Variants in PID1 observed in about 807,000 individuals in gnomAD.
The protein encoded by PID1 is phosphotyrosine interaction domain containing 1, also known as PTB-containing, cubilin and LRP1-interacting protein.
In PID1, 10 loss-of-function variants were observed where a neutral mutation model predicts 19.1. The observed-to-expected ratio is 0.52, with a 90% CI of 0.32 to 0.89. The LOEUF is 0.89. PID1 is among the 40% of genes least tolerant of loss of function. The probability of loss-of-function intolerance (pLI) is 0.03; values close to 1 mark genes in which losing one functional copy is unlikely to be tolerated. For missense variants in PID1, 248 were observed against 285.3 expected (o/e 0.87, Z 0.94); for synonymous variants, 130 against 116.0 (o/e 1.12, Z -0.78).
intron 2 of PID1, among the ~76,000 whole-genome samples, chr2:229,126,711 T>G (rs1695629787): frequency 6.6e-6 from 1 of 152,194 alleles, no homozygotes; most frequent in African/African-American, 2.4e-5. Context: ...GTAAATTTCT[T>G]CGTACCTTTG....
chr2:229,132,006 C>A (rs1689752655), intron 2 of PID1, among the ~76,000 whole-genome samples: 3 of 152,096 alleles, frequency 2.0e-5, no homozygotes, highest in Admixed American at 2.0e-4. Flanking sequence ...CAGTAACAAT[C>A]TTTATAGTTC....
At chr2:229,101,540 C>T (rs1159474902) in intron 2 of PID1, among the ~76,000 whole-genome samples, 1 of 152,112 alleles carries the variant, frequency 6.6e-6, no homozygotes, top group Non-Finnish European at 1.5e-5. Context: ...AACTATGGGC[C>T]AAATGCTATG....
intron 1 of PID1, among the ~76,000 whole-genome samples, chr2:229,175,616 T>G (rs1335733875): frequency 6.6e-6 from 1 of 152,150 alleles, no homozygotes; most frequent in Non-Finnish European, 1.5e-5. Flanking sequence ...AGACCAGAAC[T>G]GAATGAAGTG....
intron 2 of PID1, among the ~76,000 whole-genome samples, chr2:229,107,557 T>C (rs1695202529): frequency 6.6e-6 from 1 of 151,752 alleles, no homozygotes; most frequent in Non-Finnish European, 1.5e-5. Flanking sequence ...CAGCACGTCT[T>C]GTTTATGTCA....
chr2:229,260,054 A>G (rs1690415491), intron 1 of PID1, among the ~76,000 whole-genome samples: 1 of 152,182 alleles, frequency 6.6e-6, no homozygotes. Context: ...AAGCAGACTA[A>G]GACACTAGTG....
intron 2 of PID1, among the ~76,000 whole-genome samples, chr2:229,147,349 T>C (rs911765709): frequency 9.2e-5 from 14 of 151,970 alleles, no homozygotes; most frequent in South Asian, 2.1e-4. Context: ...TTAAAACTAA[T>C]TTAAAAAGTA....
chr2:229,065,222 A>G (rs1267894442), intron 2 of PID1, among the ~76,000 whole-genome samples: 1 of 152,168 alleles, frequency 6.6e-6, no homozygotes. Flanking sequence ...TTTGACCGCC[A>G]GCCAAAATCC....
At chr2:229,069,561 C>T (rs1233794724) in intron 2 of PID1, among the ~76,000 whole-genome samples, 1 of 152,174 alleles carries the variant, frequency 6.6e-6, no homozygotes, top group Non-Finnish European at 1.5e-5. Flanking sequence ...ACAATGTATA[C>T]ATTTTAGACT....
intron 2 of PID1, among the ~76,000 whole-genome samples, chr2:229,059,400 C>T (rs993121401): frequency 5.3e-5 from 8 of 152,190 alleles, no homozygotes; most frequent in African/African-American, 1.9e-4. Context: ...TCGCTGAATA[C>T]CTATTATGTG....
intron 2 of PID1, among the ~76,000 whole-genome samples, chr2:229,091,352 C>T (rs1694874292): frequency 7.1e-6 from 1 of 140,598 alleles, no homozygotes; most frequent in South Asian, 2.2e-4. Flanking sequence ...TTCACAAAAA[C>T]TCCCTCTGGT....
At chr2:229,060,282 C>T (rs1694185490) in intron 2 of PID1, among the ~76,000 whole-genome samples, 1 of 152,062 alleles carries the variant, frequency 6.6e-6, no homozygotes, top group Non-Finnish European at 1.5e-5. Flanking sequence ...TCCCTATCTC[C>T]CTTCTCAAGC....
At chr2:229,098,635 T>C (rs2106225808) in intron 2 of PID1, among the ~76,000 whole-genome samples, 1 of 152,290 alleles carries the variant, frequency 6.6e-6, no homozygotes, top group South Asian at 2.1e-4. Context: ...ATATTTAATA[T>C]GTGAGAGTGC....
At chr2:229,092,620 A>G (rs1268327683) in intron 2 of PID1, among the ~76,000 whole-genome samples, 2 of 152,128 alleles carry the variant, frequency 1.3e-5, no homozygotes, top group African/African-American at 4.8e-5. Flanking sequence ...ATTAACTAAC[A>G]GTTTCACCTT....
At chr2:229,131,577 C>A (rs983463010) in intron 2 of PID1, among the ~76,000 whole-genome samples, 3 of 152,116 alleles carry the variant, frequency 2.0e-5, no homozygotes, top group African/African-American at 4.8e-5. Context: ...TAAAGAATCT[C>A]CACATGTGAA....
At chr2:229,212,410 G>C (rs1481168557) in intron 1 of PID1, among the ~76,000 whole-genome samples, 1 of 152,096 alleles carries the variant, frequency 6.6e-6, no homozygotes, top group East Asian at 1.9e-4. Flanking sequence ...ACACAACCCA[G>C]GTTCCCATAC....
intron 2 of PID1, among the ~76,000 whole-genome samples, chr2:229,084,013 A>T (rs749096876): frequency 6.6e-6 from 1 of 152,218 alleles, no homozygotes; most frequent in Non-Finnish European, 1.5e-5. Flanking sequence ...ATATAATAGG[A>T]AACATTTACT....
rs150779792 is a variant in PID1, at chr2:229,253,790, T to C, written c.30+17224A>G. On this transcript the variant is annotated intron_variant, in intron 1 of 2. Coordinates refer to ENST00000392055, the MANE Select transcript of PID1 (RefSeq NM_001100818.2). ...ACATATCACCTTTTGTGAAACAGAA[T>C]TTGAAGACTGAACATCAATTGGTTC... 2.6e-5 allele frequency among the ~76,000 whole-genome samples: 4 copies of C among 152,298 alleles called. No homozygotes were observed. In the East Asian group the frequency reaches 7.7e-4, roughly 29 times the overall value.
intron 1 of PID1, among the ~76,000 whole-genome samples, chr2:229,189,019 T>C (rs1275328502): frequency 6.6e-6 from 1 of 152,172 alleles, no homozygotes; most frequent in Admixed American, 6.5e-5. Flanking sequence ...AAGGCACGCC[T>C]GAAAAAAATT....
intron 2 of PID1, among the ~76,000 whole-genome samples, chr2:229,093,749 T>A (rs1052795360): frequency 2.8e-5 from 3 of 107,194 alleles, no homozygotes; most frequent in African/African-American, 8.3e-5. Flanking sequence ...AAATCTAGCA[T>A]GGCTTTATGA....
Sources: gnomAD v4.1 joint callset for allele counts (sites outside exome capture counted in the v4.1 genomes callset) on GRCh38, gnomAD v4.1.1 for gene constraint, MANE v1.5 for transcripts, NCBI Gene and HGNC (gene_info 2026-07-23, HGNC 2026-07-21) for gene names.